The following GALNT10 variants were observed in gnomAD, a reference collection of about 807,000 sequenced individuals.
The protein encoded by GALNT10 is polypeptide N-acetylgalactosaminyltransferase 10.
A neutral mutation model predicts 75.0 loss-of-function variants in GALNT10; 41 were observed. That is an observed-to-expected ratio of 0.55 (90% confidence interval 0.43 to 0.71). The LOEUF (loss-of-function observed/expected upper bound fraction) is 0.71. Ranked by LOEUF, GALNT10 falls within the 30% of genes least tolerant of loss-of-function variation. The pLI, the probability that GALNT10 is intolerant of heterozygous loss-of-function variation, is 0.00. For missense variants in GALNT10, 727 were observed against 818.5 expected (o/e 0.89, Z 1.36); for synonymous variants, 302 against 313.0 (o/e 0.96, Z 0.37).
intron 4 of GALNT10, among the ~76,000 whole-genome samples, chr5:154,362,924 G>C (rs1468213350): frequency 6.6e-6 from 1 of 152,100 alleles, no homozygotes; most frequent in Non-Finnish European, 1.5e-5. Flanking sequence ...TCAGGGCGAG[G>C]GCATAAGCTG....
At chr5:154,281,642 C>T (rs1014274371) in intron 1 of GALNT10, among the ~76,000 whole-genome samples, 1 of 152,204 alleles carries the variant, frequency 6.6e-6, no homozygotes, top group Non-Finnish European at 1.5e-5. Flanking sequence ...ACACCCTAAC[C>T]TAAGCTAAGC....
At chr5:154,316,373 A>C (rs1190899696) in intron 3 of GALNT10, among the ~76,000 whole-genome samples, 1 of 152,142 alleles carries the variant, frequency 6.6e-6, no homozygotes, top group Non-Finnish European at 1.5e-5. Context: ...AAGCCTCACT[A>C]CCTTACTTGG....
chr5:154,418,754 T>C lies in GALNT10; in HGVS notation c.*1782T>C, dbSNP rs1233505666. On this transcript the variant is annotated 3_prime_UTR_variant, in exon 12 of 12. Coordinates refer to ENST00000297107, the MANE Select transcript of GALNT10 (RefSeq NM_198321.4). The stretch of plus-strand genomic sequence containing the variant: ...CTTCTGGCCCAGCACAAGCCCTGCT[T>C]TGGCCACCTGTCTGCAAGAGAGGCG... 1 of 152,206 alleles carries C rather than the reference T, an allele frequency of 6.6e-6. No homozygotes were observed. The highest frequency in any genetic ancestry group is 2.4e-5 in the African/African-American group (1 of 41,454). 9.4% of individuals were successfully genotyped at this position (152,206 alleles called of 1,614,324 possible).
chr5:154,302,567 G>C (rs984962811), intron 3 of GALNT10, among the ~76,000 whole-genome samples: 4 of 152,366 alleles, frequency 2.6e-5, no homozygotes, highest in South Asian at 4.1e-4. Context: ...GGGATCTGCA[G>C]TTTCCGGTGC....
chr5:154,254,483 G>A (rs1753576051), intron 1 of GALNT10, among the ~76,000 whole-genome samples: 1 of 151,710 alleles, frequency 6.6e-6, no homozygotes, highest in African/African-American at 2.4e-5. Flanking sequence ...AATTCCCACA[G>A]AGGTGTTTCT....
At chr5:154,262,035 T>C (rs1480702663) in intron 1 of GALNT10, among the ~76,000 whole-genome samples, 1 of 152,220 alleles carries the variant, frequency 6.6e-6, no homozygotes, top group Non-Finnish European at 1.5e-5. Flanking sequence ...TCATGTGGGT[T>C]ACTGGTAGTA....
At chr5:154,211,835 G>C (rs1019824652) in intron 1 of GALNT10, among the ~76,000 whole-genome samples, 10 of 152,140 alleles carry the variant, frequency 6.6e-5, no homozygotes, top group Admixed American at 4.6e-4. Context: ...AAGCATGGCA[G>C]CTCACTTTCC....
intron 1 of GALNT10, among the ~76,000 whole-genome samples, chr5:154,204,126 G>A (rs1775070480): frequency 6.6e-6 from 1 of 152,186 alleles, no homozygotes. Flanking sequence ...GAGCCACCTT[G>A]AGTTGCTTTG....
chr5:154,282,581 G>A (rs1183012851), intron 1 of GALNT10, among the ~76,000 whole-genome samples: 1 of 152,188 alleles, frequency 6.6e-6, no homozygotes, highest in African/African-American at 2.4e-5. Flanking sequence ...GAAAATGAAA[G>A]AAGGAAGAAG....
chr5:154,262,604 C>T (rs1274457965), intron 1 of GALNT10, among the ~76,000 whole-genome samples: 2 of 152,138 alleles, frequency 1.3e-5, no homozygotes. Flanking sequence ...CTGTCCTTCC[C>T]CTGAGCCTCC....
chr5:154,300,152 C>T (rs1447379058), intron 3 of GALNT10, among the ~76,000 whole-genome samples: 1 of 152,086 alleles, frequency 6.6e-6, no homozygotes, highest in Non-Finnish European at 1.5e-5. Flanking sequence ...TAGATTTTTT[C>T]ATGTAAGTCT....
At chr5:154,375,902 G>A (rs906608119) in intron 4 of GALNT10, among the ~76,000 whole-genome samples, 4 of 152,216 alleles carry the variant, frequency 2.6e-5, no homozygotes, top group African/African-American at 9.6e-5. Context: ...AATGGGGTCA[G>A]CCCCACCAAA....
chr5:154,355,578 A>T lies in GALNT10; in HGVS notation c.569-20699A>T, dbSNP rs979635914. Among the ~76,000 whole-genome samples the T allele has an allele frequency of 3.3e-5, 5 of 152,248 alleles. 1 individual carries two copies. Among genetic ancestry groups the T allele is most frequent in the Admixed American group, 6.5e-5 (1 of 15,288 alleles). On this transcript the variant is annotated intron_variant, in intron 4 of 11. Transcript: ENST00000297107. ...CTGGTGATGTCAGCACTCGCCAAAA[A>T]ATGACATGTTTGAGGCAGCAGCTGC...
At chr5:154,307,334 G>T (rs117822658) in intron 3 of GALNT10, among the ~76,000 whole-genome samples, 1,658 of 152,306 alleles carry the variant, frequency 0.011, 97 homozygotes, top group Admixed American at 0.079. Context: ...TTCTGGCCGG[G>T]TGTGGTGGTT....
At chr5:154,290,110 G>C (rs75311377) in intron 1 of GALNT10, among the ~76,000 whole-genome samples, 1 of 70,122 alleles carries the variant, frequency 1.4e-5, no homozygotes, top group Non-Finnish European at 2.9e-5. Flanking sequence ...TTTTTTTTTT[G>C]AGACGGAGTC....
intron 1 of GALNT10, among the ~76,000 whole-genome samples, chr5:154,250,619 G>C (rs141096999): frequency 6.6e-6 from 1 of 152,260 alleles, no homozygotes; most frequent in East Asian, 1.9e-4. Context: ...CTCCAGGATG[G>C]ATCACTGGAC....
At chr5:154,224,858 GCAA>G (rs1226948563) in intron 1 of GALNT10, among the ~76,000 whole-genome samples, 1 of 146,272 alleles carries the variant, frequency 6.8e-6, no homozygotes, top group East Asian at 2.1e-4. Context: ...TCGGCTCGCT[GCAA>G]CCTCCACTTC....
chr5:154,259,075 G>A (rs1436911146), intron 1 of GALNT10, among the ~76,000 whole-genome samples: 1 of 151,960 alleles, frequency 6.6e-6, no homozygotes. Flanking sequence ...CTTATATACC[G>A]ATTTTATTTG....
At chr5:154,411,501 C>T (rs767119075) in intron 9 of GALNT10, among the ~76,000 whole-genome samples, 43 of 152,270 alleles carry the variant, frequency 2.8e-4, no homozygotes, top group African/African-American at 6.3e-4. Context: ...GGCCACAGGG[C>T]GCGTGAGGAG....
Sources: allele counts gnomAD v4.1 joint callset (sites outside exome capture counted in the v4.1 genomes callset), GRCh38; gene constraint gnomAD v4.1.1; transcripts MANE v1.5; gene names NCBI Gene and HGNC (gene_info 2026-07-23, HGNC 2026-07-21).